Variants in TCAF1 observed in about 807,000 individuals in gnomAD.
TCAF1 encodes TRPM8 channel associated factor 1.
TCAF1 carries 4 observed loss-of-function variants against 27.3 expected under a neutral mutation model. That is an observed-to-expected ratio of 0.15 (90% CI 0.07 to 0.34). TCAF1 has a LOEUF of 0.34. TCAF1 is among the 10% of genes least tolerant of loss of function. TCAF1 has a pLI of 1.00. For synonymous variants in TCAF1, 105 were observed against 167.1 expected (o/e 0.63, Z 2.87); for missense variants, 257 against 425.8 (o/e 0.60, Z 3.49).
rs1811915917 is a variant in TCAF1 at position 143,860,020 on chromosome 7, T to TTATATATTATATATATAA, written c.2167+170_2167+187dup. Among the ~76,000 whole-genome samples, 2 of 13,764 alleles carry TTATATATTATATATATAA rather than the reference T, an allele frequency of 1.5e-4. 1 individual carries two copies. Among genetic ancestry groups the TTATATATTATATATATAA allele is most frequent in the African/African-American group, 3.6e-4 (2 of 5,524 alleles). The allele number at this position is 13,764 out of a possible 152,430, so 9.0% of individuals were successfully genotyped here. On this transcript the variant is annotated intron_variant, in intron 6 of 8. Transcript: ENST00000479870. ...TTATATAATATATATATAATATATATTATATATTATATATATAATATATAA... is the reference window on the plus strand; with the variant it reads ...TTATATAATATATATATAATATATATTATATATTATATATATAATATATATTATATATATAATATATAA...
At chr7:143,885,498 G>A (rs527317021) in intron 1 of TCAF1, 1 of 985,436 alleles carries the variant, frequency 1.0e-6, no homozygotes, top group African/African-American at 1.7e-5. Context: ...CCAGATCCGG[G>A]ATGGAGACCC....
rs950079358 is a variant in TCAF1 at position 143,852,537 on chromosome 7, G to T, written c.*1596C>A. 4 of 153,078 alleles carry T rather than the reference G, an allele frequency of 2.6e-5. No individual in the cohort carries two copies. In the East Asian group the frequency reaches 7.7e-4, roughly 29 times the overall value. The allele number at this position is 153,078 out of a possible 1,614,324, so 9.5% of individuals were successfully genotyped here. ...TCTGAAAATTTGCCTGACAGAAAAT[G>T]TCTTCACTTTGATGTTCTTCTTGAC... is the stretch of plus-strand genomic sequence containing the variant. On this transcript the variant is annotated 3_prime_UTR_variant, in exon 9 of 9. Coordinates refer to ENST00000479870, the MANE Select transcript of TCAF1 (RefSeq NM_014719.3).
intron 1 of TCAF1, among the ~76,000 whole-genome samples, chr7:143,891,292 T>C (rs150680691): frequency 6.6e-6 from 1 of 152,228 alleles, no homozygotes; most frequent in Non-Finnish European, 1.5e-5. Context: ...AAGTTGCCAA[T>C]AACTCAAGAG....
chr7:143,884,429 A>C (rs1222698505), intron 1 of TCAF1, among the ~76,000 whole-genome samples: 2 of 152,146 alleles, frequency 1.3e-5, no homozygotes, highest in Non-Finnish European at 2.9e-5. Flanking sequence ...GGCCCACCTG[A>C]GAGACAGTGA....
chr7:143,897,438 T>C lies in TCAF1; in HGVS notation c.-15+4523A>G, dbSNP rs79597451. On this transcript the variant is annotated intron_variant, in intron 1 of 8. Transcript: ENST00000479870. ...TCTAGTTAAGAATATAATGCATATA[T>C]AAAACATGTGTTAATCAACTGCTTA... 5.7e-3 allele frequency among the ~76,000 whole-genome samples: 863 copies of C among 151,996 alleles called. 5 individuals are homozygous for C. Among genetic ancestry groups the C allele is most frequent in the African/African-American group, 0.019 (807 of 41,518 alleles).
rs2116658505 is a variant in TCAF1 at position 143,852,316 on chromosome 7, C to G, written c.*1817G>C. The G allele has an allele frequency of 6.5e-6, 1 of 153,324 alleles. No homozygotes were observed. The highest frequency in any genetic ancestry group is 6.6e-5 in the Admixed American group (1 of 15,238). The allele number at this position is 153,324 out of a possible 1,614,324, so 9.5% of individuals were successfully genotyped here. A position where few individuals can be genotyped will look rare whatever the true frequency, so the allele number is the denominator to read the frequency against. ...CCCAGAAAGCCCGAGACAGTATGCT[C>G]TCATCTGAAATTAGTCTGCTGGATA... On this transcript the variant is annotated 3_prime_UTR_variant, in exon 9 of 9. Transcript: ENST00000479870.
At chr7:143,886,645 TGTAA>T (rs1391232814) in intron 1 of TCAF1, 20 of 370,512 alleles carry the variant, frequency 5.4e-5, no homozygotes, top group African/African-American at 3.1e-4. Flanking sequence ...CCTCCTGTGC[TGTAA>T]GTAAGTTTTC....
chr7:143,860,734 C>T (rs180808469), intron 5 of TCAF1, among the ~76,000 whole-genome samples: 23,458 of 140,770 alleles, frequency 0.17, 4 homozygotes, highest in Non-Finnish European at 0.2. Flanking sequence ...CCCCCGCTAC[C>T]CACCCCACTG....
intron 2 of TCAF1, among the ~76,000 whole-genome samples, chr7:143,870,570 ATG>A (rs1481738001): frequency 6.6e-6 from 1 of 152,204 alleles, no homozygotes; most frequent in Admixed American, 6.5e-5. Context: ...GAGGACATAT[ATG>A]GTATGATTTC....
At chr7:143,885,318 G>A (rs926837696) in intron 1 of TCAF1, 2 of 985,532 alleles carry the variant, frequency 2.0e-6, no homozygotes, top group Non-Finnish European at 2.4e-6. Flanking sequence ...AATTGGTAGT[G>A]AAGTGGCTAG....
chr7:143,878,164 G>A (rs866492873), intron 1 of TCAF1, among the ~76,000 whole-genome samples: 1 of 152,178 alleles, frequency 6.6e-6, no homozygotes, highest in Non-Finnish European at 1.5e-5. Flanking sequence ...CTTTTCATAA[G>A]TATTATTTAT....
At chr7:143,885,934 T>TA (rs1252702910) in intron 1 of TCAF1, among the ~76,000 whole-genome samples, 1 of 152,196 alleles carries the variant, frequency 6.6e-6, no homozygotes, top group African/African-American at 2.4e-5. Flanking sequence ...TTTAATCAAC[T>TA]AAAAAACTAC....
intron 1 of TCAF1, chr7:143,882,385 A>G: frequency 1.0e-6 from 1 of 985,364 alleles, no homozygotes; most frequent in Non-Finnish European, 1.2e-6. Context: ...CTCATCCGAC[A>G]AAGCAGCGGA....
Position 143,876,103 on chromosome 7 carries a change from G to A in TCAF1, c.506C>T (p.Thr169Met), listed in dbSNP as rs144423231. Reference protein sequence around the residue: ...NQGEDERVLFTFPGNLVTSVA... With the variant: ...NQGEDERVLFMFPGNLVTSVA... The stretch of plus-strand genomic sequence containing the variant: ...ACTGGTCACGAGGTTCCCAGGGAAC[G>A]TGAACAGAACCCTTTCATCCTCCCC... Residue 169 changes from threonine (T) to methionine (M), a missense_variant, in exon 2 of 9, where the codon ACG becomes ATG. Physicochemically the swap from Thr to Met is moderately conservative, Grantham distance 81. Around this residue, in one of 2 missense-constraint regions of TCAF1, gnomAD observed 255 missense variants for 260.1 expected, o/e 0.98. Transcript: ENST00000479870. 5.9e-5 allele frequency: 96 copies of A among 1,614,114 alleles called. No individual in the cohort carries two copies. Among genetic ancestry groups the A allele is most frequent in the Middle Eastern group, 1.6e-4 (1 of 6,062 alleles).
At chr7:143,877,167 C>G (rs1812764368) in intron 1 of TCAF1, among the ~76,000 whole-genome samples, 3 of 152,194 alleles carry the variant, frequency 2.0e-5, no homozygotes, top group African/African-American at 7.2e-5. Flanking sequence ...GGAACAGATT[C>G]TGCCTCAGAA....
At chr7:143,886,018 TGC>T (rs1197914671) in intron 1 of TCAF1, among the ~76,000 whole-genome samples, 1 of 152,236 alleles carries the variant, frequency 6.6e-6, no homozygotes, top group East Asian at 1.9e-4. Flanking sequence ...AGAACTTTGT[TGC>T]TAGTTCTGAT....
chr7:143,900,892 A>G (rs1814084426), intron 1 of TCAF1, among the ~76,000 whole-genome samples: 1 of 152,248 alleles, frequency 6.6e-6, no homozygotes. Flanking sequence ...GGATAATGTC[A>G]TTAATATAAT....
At chr7:143,894,449 T>C (rs1813784227) in intron 1 of TCAF1, among the ~76,000 whole-genome samples, 1 of 151,792 alleles carries the variant, frequency 6.6e-6, no homozygotes, top group Non-Finnish European at 1.5e-5. Context: ...TCAATGAACA[T>C]AGATTCAAAA....
In TCAF1 at chr7:143,901,715, A is replaced by C. The variant is rs1814121012; in HGVS notation, c.-15+246T>G. 2.0e-5 allele frequency among the ~76,000 whole-genome samples: 3 copies of C among 152,318 alleles called. No homozygotes were observed. In the South Asian group the frequency reaches 6.2e-4, roughly 32 times the overall value. ...TTAATGGCTCCTTGCGGAGCAAAAA[A>C]CAAATCCTACGAAAATAGGGGGGGT... On this transcript the variant is annotated intron_variant, in intron 1 of 8. Coordinates refer to ENST00000479870, the MANE Select transcript of TCAF1 (RefSeq NM_014719.3).
Sources: gnomAD v4.1 joint callset for allele counts (sites outside exome capture counted in the v4.1 genomes callset) on GRCh38, gnomAD v4.1.1 for gene constraint, gnomAD v4.1.1 regional missense constraint, MANE v1.5 for transcripts, NCBI Gene and HGNC (gene_info 2026-07-23, HGNC 2026-07-21) for gene names.